The following STXBP4 variants were observed in gnomAD, a reference collection of about 807,000 sequenced individuals.
The protein encoded by STXBP4 is syntaxin-binding protein 4.
STXBP4 carries 55 observed loss-of-function variants against 76.1 expected under a neutral mutation model. The observed-to-expected ratio is 0.72, with a 90% CI of 0.58 to 0.91. The LOEUF is 0.91. STXBP4 is among the 40% of genes least tolerant of loss of function. The probability of loss-of-function intolerance (pLI) is 0.00; values close to 1 mark genes in which losing one functional copy is unlikely to be tolerated. For synonymous variants in STXBP4, 201 were observed against 220.2 expected (o/e 0.91, Z 0.77); for missense variants, 618 against 636.9 (o/e 0.97, Z 0.32).
the STXBP4 span, among the ~76,000 whole-genome samples, chr17:55,184,558 A>T: frequency 2.0e-5 from 3 of 152,222 alleles, no homozygotes; most frequent in Non-Finnish European, 4.4e-5. Flanking sequence ...GGAATCATAC[A>T]TATGTATTCT....
chr17:55,139,911 C>A (rs1044064722), intron 16 of STXBP4, among the ~76,000 whole-genome samples: 1 of 152,086 alleles, frequency 6.6e-6, no homozygotes, highest in Non-Finnish European at 1.5e-5. Flanking sequence ...AATTGTATTT[C>A]TTGGTTTTCA....
chr17:55,140,612 G>A (rs2080084458), intron 16 of STXBP4, among the ~76,000 whole-genome samples: 1 of 152,038 alleles, frequency 6.6e-6, no homozygotes, highest in African/African-American at 2.4e-5. Flanking sequence ...TATGATGAGG[G>A]CCAAAATGTA....
intron 1 of STXBP4, among the ~76,000 whole-genome samples, chr17:54,981,280 C>T (rs999146698): frequency 2.0e-5 from 3 of 150,838 alleles, no homozygotes; most frequent in African/African-American, 7.3e-5. Context: ...CAAAAACAAC[C>T]AGGGAAACTT....
the STXBP4 span, among the ~76,000 whole-genome samples, chr17:55,197,479 C>T: frequency 1.3e-5 from 2 of 152,172 alleles, no homozygotes; most frequent in Non-Finnish European, 2.9e-5. Flanking sequence ...CGCTGTGGCT[C>T]ACGCCTGTAA....
At chr17:55,135,976 A>G (rs988427506) in intron 16 of STXBP4, among the ~76,000 whole-genome samples, 2 of 152,206 alleles carry the variant, frequency 1.3e-5, no homozygotes, top group African/African-American at 4.8e-5. Context: ...CCAAATGCTT[A>G]CATTCAAATC....
intron 1 of STXBP4, among the ~76,000 whole-genome samples, chr17:54,971,490 C>T (rs747951345): frequency 6.6e-6 from 1 of 152,164 alleles, no homozygotes; most frequent in Non-Finnish European, 1.5e-5. Context: ...GACACCAATC[C>T]CATGAGATCA....
At chr17:55,057,466 C>T (rs2078941231) in intron 12 of STXBP4, among the ~76,000 whole-genome samples, 1 of 152,124 alleles carries the variant, frequency 6.6e-6, no homozygotes, top group South Asian at 2.1e-4. Context: ...CAATATGTAT[C>T]ATACAGTGGA....
At chr17:55,106,719 A>G (rs1211434990) in intron 16 of STXBP4, among the ~76,000 whole-genome samples, 2 of 152,050 alleles carry the variant, frequency 1.3e-5, no homozygotes, top group Admixed American at 1.3e-4. Flanking sequence ...TTCACTTATG[A>G]TGCTTAGTTT....
chr17:55,055,938 T>C (rs1409171806), intron 12 of STXBP4, among the ~76,000 whole-genome samples: 1 of 152,224 alleles, frequency 6.6e-6, no homozygotes, highest in Non-Finnish European at 1.5e-5. Flanking sequence ...ATTTGTTCTC[T>C]GATTTATCTT....
At position 55,043,662 on chromosome 17, in the gene STXBP4, T is replaced by C. The variant is rs913481542; in HGVS notation, c.945+337T>C. The C allele has an allele frequency of 3.2e-6, 5 of 1,549,384 alleles. No homozygotes were observed. In the African/African-American group the frequency reaches 4.1e-5, roughly 13 times the overall value. ...GCCAATAAAGCAAGTCGTGGCAATT[T>C]TGGATCCTGTGAGTTCTTTGGGAAA... On this transcript the variant is annotated intron_variant, in intron 11 of 17. Coordinates refer to ENST00000376352, the MANE Select transcript of STXBP4 (RefSeq NM_178509.6).
chr17:55,092,703 C>A (rs1310850327), intron 16 of STXBP4, among the ~76,000 whole-genome samples: 2 of 152,164 alleles, frequency 1.3e-5, no homozygotes, highest in African/African-American at 4.8e-5. Context: ...TTTTCTGTTA[C>A]ATCTGAAGCT....
At chr17:55,174,241 G>A (rs1286715975), downstream of STXBP4, among the ~76,000 whole-genome samples, 3 of 152,174 alleles carry the variant, frequency 2.0e-5, no homozygotes, top group Non-Finnish European at 2.9e-5. Flanking sequence ...TATTCTGCCT[G>A]CTTATCTTTT....
At chr17:55,135,052 C>A (rs1474434204) in intron 16 of STXBP4, among the ~76,000 whole-genome samples, 1 of 152,072 alleles carries the variant, frequency 6.6e-6, no homozygotes, top group Non-Finnish European at 1.5e-5. Flanking sequence ...TAAAAAAATA[C>A]TGAATTTTGC....
chr17:55,131,865 C>A (rs1455412824), intron 16 of STXBP4, among the ~76,000 whole-genome samples: 1 of 152,084 alleles, frequency 6.6e-6, no homozygotes, highest in African/African-American at 2.4e-5. Context: ...CAGGCTCAAG[C>A]GATCCTCCCA....
At chr17:55,207,090 C>A in the STXBP4 span, among the ~76,000 whole-genome samples, 1 of 152,210 alleles carries the variant, frequency 6.6e-6, no homozygotes, top group South Asian at 2.1e-4. Context: ...GTCCCTCCAC[C>A]CTAACAGGCC....
rs776730578 is a variant in STXBP4, at chr17:55,072,899, G to C, written c.1012-1G>C. On this transcript the variant is annotated splice_acceptor_variant, in intron 12 of 17. Coordinates refer to ENST00000376352, the MANE Select transcript of STXBP4 (RefSeq NM_178509.6). LOFTEE classifies it high-confidence loss of function. ...AATGACATTAATTTTGAAATCTTTAGGAAGCCAAAGCTGTAGTTGAAGAAA... is the reference window on the plus strand; with the variant it reads ...AATGACATTAATTTTGAAATCTTTACGAAGCCAAAGCTGTAGTTGAAGAAA... 1 of 1,584,442 alleles carries C rather than the reference G, an allele frequency of 6.3e-7. No homozygotes were observed. The highest frequency in any genetic ancestry group is 8.6e-7 in the Non-Finnish European group (1 of 1,168,140).
chr17:55,049,858 A>G (rs994631358), intron 12 of STXBP4, among the ~76,000 whole-genome samples: 1 of 152,096 alleles, frequency 6.6e-6, no homozygotes, highest in African/African-American at 2.4e-5. Flanking sequence ...AGATAAAGTA[A>G]GTTATCAAGA....
At chr17:55,196,832 A>T in the STXBP4 span, among the ~76,000 whole-genome samples, 1 of 152,230 alleles carries the variant, frequency 6.6e-6, no homozygotes, top group Non-Finnish European at 1.5e-5. Context: ...TGAGGTCTAA[A>T]CCCACAGGTA....
intron 4 of STXBP4, among the ~76,000 whole-genome samples, chr17:54,992,989 AG>A (rs772610231): frequency 6.6e-6 from 1 of 152,166 alleles, no homozygotes; most frequent in African/African-American, 2.4e-5. Context: ...CTGGGGGTAC[AG>A]GCATGAGCCA....
Sources: gnomAD v4.1 joint callset for allele counts (sites outside exome capture counted in the v4.1 genomes callset) on GRCh38, gnomAD v4.1.1 for gene constraint, MANE v1.5 for transcripts, NCBI Gene and HGNC (gene_info 2026-07-23, HGNC 2026-07-21) for gene names.